The following SLC25A13 variants were observed in gnomAD, a reference collection of about 807,000 sequenced individuals.
The protein encoded by SLC25A13 is solute carrier family 25 member 13.
In SLC25A13, 70 loss-of-function variants were observed where a neutral mutation model predicts 85.5. That is an observed-to-expected ratio of 0.82 (90% CI 0.68 to 1.00). SLC25A13 has a LOEUF of 1.00. SLC25A13 is among the 50% of genes least tolerant of loss of function. The pLI is 0.00. For synonymous variants in SLC25A13, 259 were observed against 288.7 expected (o/e 0.90, Z 1.04); for missense variants, 765 against 819.8 (o/e 0.93, Z 0.82).
chr7:96,242,708 T>C (rs1462825691), intron 3 of SLC25A13, among the ~76,000 whole-genome samples: 1 of 152,216 alleles, frequency 6.6e-6, no homozygotes, highest in Non-Finnish European at 1.5e-5. Context: ...TCCAACCAAT[T>C]GTCAACCAGA....
At chr7:96,259,950 A>G (rs1010285496) in intron 3 of SLC25A13, among the ~76,000 whole-genome samples, 4 of 151,910 alleles carry the variant, frequency 2.6e-5, no homozygotes, top group Admixed American at 1.3e-4. Context: ...AAACTAACAT[A>G]GGAACAGCAA....
intron 2 of SLC25A13, among the ~76,000 whole-genome samples, chr7:96,279,488 T>C (rs1225610716): frequency 6.6e-6 from 1 of 152,146 alleles, no homozygotes; most frequent in Non-Finnish European, 1.5e-5. Context: ...CATCTTAACA[T>C]GGCGGTAGGC....
chr7:96,184,815 G>A (rs1794561996), intron 10 of SLC25A13, 112 bp downstream of exon 10: 1 of 917,146 alleles, frequency 1.1e-6, no homozygotes, highest in Non-Finnish European at 1.8e-6. Context: ...CTGATAACTG[G>A]CATTGGGAAA....
chr7:96,253,773 T>C (rs1435816954), intron 3 of SLC25A13, among the ~76,000 whole-genome samples: 2 of 152,192 alleles, frequency 1.3e-5, no homozygotes, highest in Non-Finnish European at 2.9e-5. Context: ...GGTTTGTCCA[T>C]TGCTCTTTGA....
intron 13 of SLC25A13, among the ~76,000 whole-genome samples, chr7:96,163,476 C>T (rs992052701): frequency 2.6e-5 from 4 of 152,196 alleles, no homozygotes; most frequent in African/African-American, 9.7e-5. Context: ...CCAGGCTGAG[C>T]CCCGTCAATC....
Position 96,121,878 on chromosome 7 carries a change from G to A in SLC25A13, c.1711C>T (p.Arg571Cys), listed in dbSNP as rs753626243. 2.2e-5 allele frequency: 36 copies of A among 1,613,924 alleles called. 1 individual carries two copies. The highest frequency in any genetic ancestry group is 3.3e-5 in the South Asian group (3 of 91,076). The change falls in exon 16 of 18, where the codon CGT (arginine) becomes TGT (cysteine). Residue 571 changes from arginine to cysteine, a missense_variant. Coordinates refer to ENST00000265631, the MANE Select transcript of SLC25A13 (RefSeq NM_014251.3). ...CACAGAGCTTTTGGTCCTTCTTCACGCAGTATCTTTCTAAAGCAGTCTATC... is the reference window on the plus strand; with the variant it reads ...CACAGAGCTTTTGGTCCTTCTTCACACAGTATCTTTCTAAAGCAGTCTATC... ...GVIDCFRKIL[R>C]EEGPKALWKG...
intron 13 of SLC25A13, among the ~76,000 whole-genome samples, chr7:96,168,129 A>AAAAAAG (rs1562810139): frequency 1.4e-5 from 2 of 143,568 alleles, no homozygotes; most frequent in Non-Finnish European, 3.0e-5. Context: ...AAAAAAAAAA[A>AAAAAAG]GCACGTGTGC....
chr7:96,144,952 G>T (rs1792718973), intron 14 of SLC25A13, among the ~76,000 whole-genome samples: 1 of 152,116 alleles, frequency 6.6e-6, no homozygotes, highest in Admixed American at 6.5e-5. Context: ...TTGTCAAAAT[G>T]ACATGCTGCT....
At chr7:96,125,451 T>G (rs1278343454) in intron 15 of SLC25A13, among the ~76,000 whole-genome samples, 1 of 152,170 alleles carries the variant, frequency 6.6e-6, no homozygotes, top group Non-Finnish European at 1.5e-5. Flanking sequence ...CTTTGAGTCC[T>G]TGCATGTGAA....
At chr7:96,216,609 G>A (rs1039261992) in intron 4 of SLC25A13, among the ~76,000 whole-genome samples, 1 of 152,120 alleles carries the variant, frequency 6.6e-6, no homozygotes, top group African/African-American at 2.4e-5. Flanking sequence ...GAACGTCGAC[G>A]GAGCTGGAGG....
intron 14 of SLC25A13, among the ~76,000 whole-genome samples, chr7:96,145,563 GA>G: frequency 6.6e-6 from 1 of 152,184 alleles, no homozygotes; most frequent in East Asian, 1.9e-4. Flanking sequence ...CTGGGAATAG[GA>G]AAAAAGCAAT....
intron 11 of SLC25A13, among the ~76,000 whole-genome samples, chr7:96,178,178 A>T (rs534264197): frequency 6.6e-6 from 1 of 152,302 alleles, no homozygotes; most frequent in African/African-American, 2.4e-5. Context: ...AACCAGTGAG[A>T]GCAGGAATAT....
Position 96,259,972 on chromosome 7 carries a change from C to T in SLC25A13, c.212+17224G>A, listed in dbSNP as rs1033582502. On this transcript the variant is annotated intron_variant, in intron 3 of 17. Transcript: ENST00000265631. The stretch of plus-strand genomic sequence containing the variant: ...CATAGGAACAGCAAACCAAACACCG[C>T]ATGTTCGCACTCATAAGTGGTAGTC... Among the ~76,000 whole-genome samples the T allele has an allele frequency of 2.0e-5, 3 of 149,402 alleles. No homozygotes were observed. In the Admixed American group the frequency reaches 2.0e-4, roughly 10 times the overall value.
At chr7:96,317,704 C>G (rs1427951950) in intron 1 of SLC25A13, among the ~76,000 whole-genome samples, 1 of 151,924 alleles carries the variant, frequency 6.6e-6, no homozygotes, top group African/African-American at 2.4e-5. Flanking sequence ...AGAACTTAGC[C>G]CCCTGGAATG....
At chr7:96,291,756 T>C (rs1239417091) in intron 2 of SLC25A13, among the ~76,000 whole-genome samples, 1 of 152,026 alleles carries the variant, frequency 6.6e-6, no homozygotes, top group East Asian at 1.9e-4. Context: ...AATAGACCAA[T>C]AACAGGATCT....
At chr7:96,198,339 C>T (rs887717723) in intron 5 of SLC25A13, among the ~76,000 whole-genome samples, 10 of 152,154 alleles carry the variant, frequency 6.6e-5, no homozygotes, top group African/African-American at 2.4e-4. Flanking sequence ...GGTTTAAAAA[C>T]CTCTAAAGTC....
chr7:96,180,859 T>G (rs1306187080), intron 11 of SLC25A13, among the ~76,000 whole-genome samples: 1 of 152,250 alleles, frequency 6.6e-6, no homozygotes. Context: ...CTGATTCATT[T>G]GGTTATGCCA....
chr7:96,180,624 C>A (rs77586333), intron 11 of SLC25A13, among the ~76,000 whole-genome samples: 3 of 152,198 alleles, frequency 2.0e-5, no homozygotes, highest in African/African-American at 7.2e-5. Context: ...CCACCGTACC[C>A]GGCCATATTT....
chr7:96,320,457 TC>T (rs1800297809), intron 1 of SLC25A13, among the ~76,000 whole-genome samples: 2 of 152,298 alleles, frequency 1.3e-5, no homozygotes, highest in East Asian at 3.9e-4. Context: ...GGGTACCTAG[TC>T]CCACCTACTC....
Sources: gnomAD v4.1 joint callset for allele counts (sites outside exome capture counted in the v4.1 genomes callset) on GRCh38, gnomAD v4.1.1 for gene constraint, MANE v1.5 for transcripts, NCBI Gene and HGNC (gene_info 2026-07-23, HGNC 2026-07-21) for gene names.